DDTL: variants seen among roughly 807,000 people sequenced by gnomAD.
DDTL encodes D-dopachrome tautomerase like.
Under a neutral mutation model 1.1 loss-of-function variants are expected in DDTL, and 1 was observed. The ratio of observed to expected loss-of-function variants is 0.91; its 90% CI spans 0.32 to 4.31. The LOEUF (loss-of-function observed/expected upper bound fraction) is 4.31, where lower values mean the gene tolerates loss of function less well. Among genes scored for constraint, DDTL ranks in the 30% most tolerant of loss-of-function variants. DDTL has a pLI of 0.17. For missense variants in DDTL, 54 were observed against 48.9 expected (o/e 1.10, Z -0.31); for synonymous variants, 21 against 16.6 (o/e 1.26, Z -0.64).
chr22:23,972,034 G>A lies in DDTL; in HGVS notation c.*628G>A. 1 of 374,518 alleles carries A rather than the reference G, an allele frequency of 2.7e-6. No individual in the cohort carries two copies. Among genetic ancestry groups the A allele is most frequent in the Non-Finnish European group, 3.7e-6 (1 of 269,634 alleles). 23.2% of individuals were successfully genotyped at this position (374,518 alleles called of 1,614,324 possible). On this transcript the variant is annotated 3_prime_UTR_variant, in exon 3 of 3. Coordinates refer to ENST00000215770, the MANE Select transcript of DDTL (RefSeq NM_001084393.2). ...CCACCAACCCCGCCACTAATGTCTG[G>A]GCCATAAGTGAACATGCCCCTCTCA...
rs534023718 is a variant in DDTL, at chr22:23,969,436, G to A, written c.285-1850G>A. 10 of 986,462 alleles carry A rather than the reference G, an allele frequency of 1.0e-5. No homozygotes were observed. The African/African-American group carries it at 1.2e-4, about 12-fold the overall frequency. 61.1% of individuals were successfully genotyped at this position (986,462 alleles called of 1,614,324 possible). A position where few individuals can be genotyped will look rare whatever the true frequency, so the allele number is the denominator to read the frequency against. On this transcript the variant is annotated intron_variant, in intron 2 of 2. Transcript: ENST00000215770. ...CAGACTGACAGAGATGATGGAGTGT[G>A]CAGCACACACGATGAGGCTACTGTG...
At chr22:23,969,229 C>T (rs2033856472) in intron 2 of DDTL, 8 of 985,516 alleles carry the variant, frequency 8.1e-6, no homozygotes, top group Non-Finnish European at 7.2e-6. Flanking sequence ...CCAGGCTGTC[C>T]CAAGCTGTGG....
rs140303902 is a variant in DDTL, at chr22:23,970,302, A to G, written c.285-984A>G. On this transcript the variant is annotated intron_variant, in intron 2 of 2. Coordinates refer to ENST00000215770, the MANE Select transcript of DDTL (RefSeq NM_001084393.2). Reference sequence around the variant, plus strand: ...GAATTGTGTGTTTATGTGTGGGTGTATATGTGTGTGATGTGAGTGAACTGT... The same window carrying G: ...GAATTGTGTGTTTATGTGTGGGTGTGTATGTGTGTGATGTGAGTGAACTGT... 2.0e-4 allele frequency among the ~76,000 whole-genome samples: 31 copies of G among 152,142 alleles called. No homozygotes were observed. The East Asian group carries it at 5.4e-3, about 27-fold the overall frequency.
At chr22:23,970,072 C>G (rs1044082247) in intron 2 of DDTL, among the ~76,000 whole-genome samples, 4 of 152,114 alleles carry the variant, frequency 2.6e-5, no homozygotes, top group African/African-American at 9.7e-5. Context: ...GAGGGAAGGG[C>G]TTGGGCTAGT....
At position 23,972,101 on chromosome 22, in the gene DDTL, G is replaced by A; in HGVS notation, c.*695G>A. ...TCCAGTGAGGAAAACCAGAACTTGG[G>A]ACAGCCTGGTTGGGGCGGGCGGGAG... On this transcript the variant is annotated 3_prime_UTR_variant, in exon 3 of 3. Transcript: ENST00000215770. 8 of 915,520 alleles carry A rather than the reference G, an allele frequency of 8.7e-6. No homozygotes were observed. Among genetic ancestry groups the A allele is most frequent in the Non-Finnish European group, 1.0e-5 (8 of 766,260 alleles). The allele number at this position is 915,520 out of a possible 1,614,324, so 56.7% of individuals were successfully genotyped here. A position where few individuals can be genotyped will look rare whatever the true frequency, so the allele number is the denominator to read the frequency against.
rs199609756 is a variant in DDTL at position 23,969,706 on chromosome 22, C to G, written c.285-1580C>G. 3.5e-5 allele frequency: 34 copies of G among 978,072 alleles called. No individual in the cohort carries two copies. In the East Asian group the frequency reaches 3.8e-3, roughly 108 times the overall value. The allele number at this position is 978,072 out of a possible 1,614,324, so 60.6% of individuals were successfully genotyped here. A position where few individuals can be genotyped will look rare whatever the true frequency, so the allele number is the denominator to read the frequency against. On this transcript the variant is annotated intron_variant, in intron 2 of 2. Transcript: ENST00000215770. ...TGGTGGCATGAGCCTGTGATCCAAA[C>G]TACATGGGAGGCTGAGGCAGAAGGT...
chr22:23,972,052 C>G lies in DDTL; in HGVS notation c.*646C>G, dbSNP rs895096319. On this transcript the variant is annotated 3_prime_UTR_variant, in exon 3 of 3. Coordinates refer to ENST00000215770, the MANE Select transcript of DDTL (RefSeq NM_001084393.2). ...ATGTCTGGGCCATAAGTGAACATGC[C>G]CCTCTCAGAGGTAACAGCAAGTTTC... The G allele has an allele frequency of 4.1e-6, 2 of 492,278 alleles. No homozygotes were observed. Among genetic ancestry groups the G allele is most frequent in the Non-Finnish European group, 2.6e-6 (1 of 378,408 alleles). 30.5% of individuals were successfully genotyped at this position (492,278 alleles called of 1,614,324 possible). A position where few individuals can be genotyped will look rare whatever the true frequency, so the allele number is the denominator to read the frequency against.
chr22:23,969,398 GC>G (rs144177582), intron 2 of DDTL: 63,275 of 985,656 alleles, frequency 0.064, 2,484 homozygotes, highest in African/African-American at 0.17. Flanking sequence ...GAGGCAGATT[GC>G]CCCTCAGCCC....
rs777428080 is a variant in DDTL, at chr22:23,971,404, T to C, written c.403T>C (p.Ter135ArgextTer2). 3 of 1,613,296 alleles carry C rather than the reference T, an allele frequency of 1.9e-6. No homozygotes were observed. The highest frequency in any genetic ancestry group is 3.3e-5 in the Admixed American group (2 of 59,864). ...GGAAGCTCTCTTCATTTATTTCATA[T>C]GAGGATGAAGAAGAGGATTATGTGA... ...NEEALFIYFI* is the reference protein window; with the variant it reads ...NEEALFIYFIR The change falls in exon 3 of 3, where the codon TGA (stop) becomes CGA (arginine). Residue 135 changes from the stop codon to arginine (R), a stop_lost. Transcript: ENST00000215770.
Position 23,971,623 on chromosome 22 carries a change from C to T in DDTL, c.*217C>T, listed in dbSNP as rs779750125. 22 of 1,613,794 alleles carry T rather than the reference C, an allele frequency of 1.4e-5. No homozygotes were observed. In the East Asian group the frequency reaches 4.2e-4, roughly 31 times the overall value. Reference sequence around the variant, plus strand: ...CCAAGGGGAAAAAGCGGATAAGTATCCTTCAGGAGACAGAGAAAAAGATAT... The same window carrying T: ...CCAAGGGGAAAAAGCGGATAAGTATTCTTCAGGAGACAGAGAAAAAGATAT... On this transcript the variant is annotated 3_prime_UTR_variant, in exon 3 of 3. Coordinates refer to ENST00000215770, the MANE Select transcript of DDTL (RefSeq NM_001084393.2).
intron 2 of DDTL, among the ~76,000 whole-genome samples, chr22:23,970,886 TG>T (rs1455023440): frequency 6.6e-6 from 1 of 152,102 alleles, no homozygotes; most frequent in Non-Finnish European, 1.5e-5. Context: ...ATGGGGCAGC[TG>T]GGAGGACGGT....
chr22:23,970,699 ATG>A (rs547832104), intron 2 of DDTL, among the ~76,000 whole-genome samples: 1 of 151,856 alleles, frequency 6.6e-6, no homozygotes, highest in Non-Finnish European at 1.5e-5. Flanking sequence ...ATGCGGGTGG[ATG>A]TGTGTATGTG....
rs1047167751 is a variant in DDTL, at chr22:23,971,678, G to A, written c.*272G>A. On this transcript the variant is annotated 3_prime_UTR_variant, in exon 3 of 3. Coordinates refer to ENST00000215770, the MANE Select transcript of DDTL (RefSeq NM_001084393.2). ...AGCTCCTTGGCTAATACCACATCTT[G>A]CAAGACCCCTGCCAGGTACTCCCAC... The A allele has an allele frequency of 1.2e-5, 19 of 1,530,282 alleles. No individual in the cohort carries two copies. The highest frequency in any genetic ancestry group is 1.7e-5 in the Non-Finnish European group (19 of 1,113,524). The allele number at this position is 1,530,282 out of a possible 1,614,324, so 94.8% of individuals were successfully genotyped here.
At position 23,972,547 on chromosome 22, in the gene DDTL, C is replaced by T. The variant is rs1296418389; in HGVS notation, c.*1141C>T. ...ATAATGACAAGGAATAAAGTCTATA[C>T]GTATTTTCAGTATAGATGCAATTAT... On this transcript the variant is annotated 3_prime_UTR_variant, in exon 3 of 3. Coordinates refer to ENST00000215770, the MANE Select transcript of DDTL (RefSeq NM_001084393.2). The T allele has an allele frequency of 7.2e-5, 71 of 985,406 alleles. No individual in the cohort carries two copies. The South Asian group carries it at 1.1e-3, about 15-fold the overall frequency. The allele number at this position is 985,406 out of a possible 1,614,324, so 61.0% of individuals were successfully genotyped here. A position where few individuals can be genotyped will look rare whatever the true frequency, so the allele number is the denominator to read the frequency against.
In DDTL at chr22:23,969,077, CATG is replaced by C. The variant is rs1157053486; in HGVS notation, c.284+1519_284+1521del. On this transcript the variant is annotated intron_variant, in intron 2 of 2. Transcript: ENST00000215770. ...AGGTCCTCTACAGGTACTTTACACT[CATG>C]ATCCCATTTGATCCTTACAATCCCT... The C allele has an allele frequency of 4.0e-6, 2 of 503,128 alleles. 1 individual carries two copies. Among genetic ancestry groups the C allele is most frequent in the Non-Finnish European group, 4.5e-6 (2 of 440,808 alleles). The allele number at this position is 503,128 out of a possible 1,614,324, so 31.2% of individuals were successfully genotyped here. A position where few individuals can be genotyped will look rare whatever the true frequency, so the allele number is the denominator to read the frequency against.
At chr22:23,969,541 T>C (rs1026706217) in intron 2 of DDTL, 2 of 984,110 alleles carry the variant, frequency 2.0e-6, no homozygotes, top group East Asian at 1.1e-4. Context: ...CTGCTGGGGG[T>C]TGGGGAATGC....
At position 23,970,218 on chromosome 22, in the gene DDTL, C is replaced by G. The variant is rs2033874235; in HGVS notation, c.285-1068C>G. On this transcript the variant is annotated intron_variant, in intron 2 of 2. Transcript: ENST00000215770. ...TGAGGACTGGCTTTTGGCCATGTGACTGAATTGCCTGTGTGGTGCGTGTGT... is the reference window on the plus strand; with the variant it reads ...TGAGGACTGGCTTTTGGCCATGTGAGTGAATTGCCTGTGTGGTGCGTGTGT... 2.6e-5 allele frequency among the ~76,000 whole-genome samples: 4 copies of G among 152,248 alleles called. No individual in the cohort carries two copies. In the South Asian group the frequency reaches 8.3e-4, roughly 32 times the overall value.
In DDTL at chr22:23,972,432, C is replaced by A. The variant is rs1309161047; in HGVS notation, c.*1026C>A. 1 of 144,368 alleles carries A rather than the reference C, an allele frequency of 6.9e-6. No individual in the cohort carries two copies. The highest frequency in any genetic ancestry group is 2.6e-5 in the African/African-American group (1 of 38,650). The allele number at this position is 144,368 out of a possible 1,614,324, so 8.9% of individuals were successfully genotyped here. On this transcript the variant is annotated 3_prime_UTR_variant, in exon 3 of 3. Transcript: ENST00000215770. Reference sequence around the variant, plus strand: ...GTAATATTTGCATGTAACCTACACACATCCTCTCATATACTTTAAATAATC... The same window carrying A: ...GTAATATTTGCATGTAACCTACACAAATCCTCTCATATACTTTAAATAATC...
At chr22:23,969,075 C>G in intron 2 of DDTL, 1 of 599,438 alleles carries the variant, frequency 1.7e-6, no homozygotes, top group Non-Finnish European at 2.0e-6. Flanking sequence ...GTACTTTACA[C>G]TCATGATCCC....
Sources: gnomAD v4.1 joint callset for allele counts (sites outside exome capture counted in the v4.1 genomes callset) on GRCh38, gnomAD v4.1.1 for gene constraint, MANE v1.5 for transcripts, NCBI Gene and HGNC (gene_info 2026-07-23, HGNC 2026-07-21) for gene names.